Variants in RUNX1T1 observed in about 807,000 individuals in gnomAD.
The protein encoded by RUNX1T1 is RUNX1 partner transcriptional co-repressor 1.
In RUNX1T1, 4 loss-of-function variants were observed where a neutral mutation model predicts 62.8. The ratio of observed to expected loss-of-function variants is 0.06; its 90% CI spans 0.03 to 0.15. The LOEUF (loss-of-function observed/expected upper bound fraction) is 0.15. Among genes scored for constraint, RUNX1T1 ranks in the 10% least tolerant of loss-of-function variants. The pLI, the probability that RUNX1T1 is intolerant of heterozygous loss-of-function variation, is 1.00. For synonymous variants in RUNX1T1, 291 were observed against 286.0 expected (o/e 1.02, Z -0.18); for missense variants, 508 against 754.3 (o/e 0.67, Z 3.82).
exon 1 of RUNX1T1, chr8:92,062,614 T>C (rs1454210281): frequency 6.2e-7 from 1 of 1,614,032 alleles, no homozygotes. Context: ...CGTTCCGGGC[T>C]CATGCCTCCT....
chr8:92,066,416 C>G (rs559489244), upstream of RUNX1T1, among the ~76,000 whole-genome samples: 1 of 152,170 alleles, frequency 6.6e-6, no homozygotes, highest in African/African-American at 2.4e-5. Flanking sequence ...GAGGCATTAG[C>G]TCTGCTTTCA....
chr8:91,970,694 T>G (rs1316793495), exon 10 of RUNX1T1: 1 of 1,612,414 alleles, frequency 6.2e-7, no homozygotes, highest in East Asian at 2.2e-5. Context: ...TAACTGCCAG[T>G]GCGTCCTCCG....
At chr8:92,093,968 C>T (rs1380097661) in intron 1 of RUNX1T1, among the ~76,000 whole-genome samples, 1 of 152,200 alleles carries the variant, frequency 6.6e-6, no homozygotes, top group African/African-American at 2.4e-5. Flanking sequence ...AAGAGCTCTA[C>T]CCTTTCTGAA....
chr8:92,064,383 C>T (rs1053564386), upstream of RUNX1T1, among the ~76,000 whole-genome samples: 1 of 152,146 alleles, frequency 6.6e-6, no homozygotes, highest in African/African-American at 2.4e-5. Context: ...TGAGGCCAAT[C>T]TTTTTGTTCA....
At chr8:92,091,478 T>G (rs1342354464) in intron 1 of RUNX1T1, among the ~76,000 whole-genome samples, 2 of 152,204 alleles carry the variant, frequency 1.3e-5, no homozygotes, top group Non-Finnish European at 2.9e-5. Context: ...AGCCTGGACA[T>G]GATTTCATCA....
intron 4 of RUNX1T1, among the ~76,000 whole-genome samples, chr8:92,007,057 A>G (rs1308938868): frequency 6.6e-6 from 1 of 152,210 alleles, no homozygotes; most frequent in African/African-American, 2.4e-5. Flanking sequence ...TATATTGTAT[A>G]TATTTTTTAA....
intron 5 of RUNX1T1, among the ~76,000 whole-genome samples, chr8:91,997,621 T>C (rs1391198140): frequency 6.6e-6 from 1 of 152,216 alleles, no homozygotes; most frequent in African/African-American, 2.4e-5. Context: ...GAAGTCACTC[T>C]ACAACTTTCT....
At chr8:91,976,193 T>C (rs142211730) in intron 8 of RUNX1T1, 86 of 509,318 alleles carry the variant, frequency 1.7e-4, no homozygotes, top group Middle Eastern at 1.1e-3. Context: ...CTAAATGCCA[T>C]GCATGCTCAA....
chr8:92,091,845 T>C (rs1837075675), intron 1 of RUNX1T1, among the ~76,000 whole-genome samples: 1 of 152,244 alleles, frequency 6.6e-6, no homozygotes, highest in African/African-American at 2.4e-5. Flanking sequence ...TCAACATTGT[T>C]CTTCAAACTA....
chr8:92,019,200 G>C (rs1372572354), intron 1 of RUNX1T1: 1 of 152,124 alleles, frequency 6.6e-6, no homozygotes, highest in African/African-American at 2.4e-5. Flanking sequence ...AGGTACAGCA[G>C]CAAATACAAG....
chr8:92,042,742 A>G (rs1173824214), intron 1 of RUNX1T1, among the ~76,000 whole-genome samples: 1 of 152,252 alleles, frequency 6.6e-6, no homozygotes, highest in Non-Finnish European at 1.5e-5. Context: ...GGAACATAAT[A>G]AAGCACTAAT....
intron 1 of RUNX1T1, among the ~76,000 whole-genome samples, chr8:92,090,059 G>C (rs569746733): frequency 5.3e-5 from 8 of 151,356 alleles, no homozygotes; most frequent in Admixed American, 2.0e-4. Context: ...CACCAAGTCT[G>C]CCCTTCGCCT....
intron 8 of RUNX1T1, among the ~76,000 whole-genome samples, chr8:91,985,594 G>C (rs1179728033): frequency 2.0e-5 from 3 of 151,942 alleles, no homozygotes; most frequent in Non-Finnish European, 4.4e-5. Context: ...ATAGCTTCTA[G>C]GTCTCTCTTC....
intron 1 of RUNX1T1, among the ~76,000 whole-genome samples, chr8:92,035,210 G>T (rs148156068): frequency 6.6e-6 from 1 of 151,370 alleles, no homozygotes; most frequent in African/African-American, 2.4e-5. Flanking sequence ...CAGGAGAATC[G>T]CTTGAACCCG....
intron 8 of RUNX1T1, among the ~76,000 whole-genome samples, chr8:91,979,370 A>T (rs776955758): frequency 6.6e-5 from 10 of 152,212 alleles, no homozygotes; most frequent in South Asian, 4.1e-4. Flanking sequence ...TAAGGCTTAG[A>T]TTCAAAAGAA....
intron 5 of RUNX1T1, 150 bp downstream of exon 6, chr8:92,004,966 A>G (rs1182420345): frequency 1.9e-5 from 13 of 677,534 alleles, no homozygotes; most frequent in Non-Finnish European, 2.6e-5. Context: ...ATCCCAGGCC[A>G]GAGCCAGATT....
chr8:91,958,639 A>T (rs989997802), downstream of RUNX1T1: 18 of 133,838 alleles, frequency 1.3e-4, no homozygotes, highest in Admixed American at 4.4e-4. Flanking sequence ...ATAATGATTT[A>T]AAAAAAAAAA....
intron 5 of RUNX1T1, among the ~76,000 whole-genome samples, chr8:91,998,828 A>G (rs1192016903): frequency 6.6e-6 from 1 of 152,188 alleles, no homozygotes; most frequent in Non-Finnish European, 1.5e-5. Flanking sequence ...TGAACCAATC[A>G]CAGCATTTGG....
intron 5 of RUNX1T1, chr8:92,003,445 C>G (rs1194662262): frequency 7.1e-5 from 32 of 451,572 alleles, no homozygotes; most frequent in South Asian, 9.4e-5. Flanking sequence ...TTTAGCAGTT[C>G]AGAATGCCAG....
Sources: allele counts gnomAD v4.1 joint callset (sites outside exome capture counted in the v4.1 genomes callset), GRCh38; gene constraint gnomAD v4.1.1; transcripts MANE v1.5; gene names NCBI Gene and HGNC (gene_info 2026-07-23, HGNC 2026-07-21).